The following POLDIP2 variants were observed in gnomAD, a reference collection of about 807,000 sequenced individuals.
The protein encoded by POLDIP2 is polymerase delta-interacting protein 2.
POLDIP2 carries 32 observed loss-of-function variants against 52.9 expected under a neutral mutation model. That is an observed-to-expected ratio of 0.61 (90% CI 0.46 to 0.81). POLDIP2 has a LOEUF of 0.81. Ranked by LOEUF, POLDIP2 falls within the 40% of genes least tolerant of loss-of-function variation. The probability of loss-of-function intolerance (pLI) is 0.00; values close to 1 mark genes in which losing one functional copy is unlikely to be tolerated. For missense variants in POLDIP2, 371 were observed against 477.3 expected, an observed-to-expected ratio of 0.78 and a Z score of 2.07; for synonymous variants, 183 against 183.0, an observed-to-expected ratio of 1.00 and a Z score of 0.00.
chr17:28,350,479 C>T lies in POLDIP2; in HGVS notation c.871G>A (p.Gly291Ser). 1 of 1,612,794 alleles carries T rather than the reference C, an allele frequency of 6.2e-7. No homozygotes were observed. The highest frequency in any genetic ancestry group is 8.5e-7 in the Non-Finnish European group (1 of 1,179,402). Residue 291 changes from glycine (G) to serine (S), a missense_variant, in exon 9 of 11, where the codon GGC (glycine) becomes AGC (serine). Physicochemically the swap from Gly to Ser is moderately conservative, Grantham distance 56 (BLOSUM62 0). Coordinates refer to ENST00000540200, the MANE Select transcript of POLDIP2 (RefSeq NM_015584.5). ...ERHWRIFSLS[G>S]TLETVRGRGV... is the part of the protein sequence containing the mutation. ...CGGCCTCGCACTGTCTCCAAGGTGC[C>T]AGAGAGACTGAATATCCTCCAGTGC... is the stretch of plus-strand genomic sequence containing the variant.
At chr17:28,356,934 C>T (rs1009674483) in intron 1 of POLDIP2, among the ~76,000 whole-genome samples, 2 of 152,242 alleles carry the variant, frequency 1.3e-5, no homozygotes, top group Non-Finnish European at 2.9e-5. Flanking sequence ...TGAGGCAGAC[C>T]TTCACCAAAT....
chr17:28,351,493 T>G lies in POLDIP2; in HGVS notation c.759+171A>C, dbSNP rs565932760. 7.6e-4 allele frequency among the ~76,000 whole-genome samples: 115 copies of G among 152,264 alleles called. No homozygotes were observed. The Middle Eastern group carries it at 0.014, about 18-fold the overall frequency. On this transcript the variant is annotated intron_variant, in intron 7 of 10. Coordinates refer to ENST00000540200, the MANE Select transcript of POLDIP2 (RefSeq NM_015584.5). Reference sequence around the variant, plus strand: ...TTCCTGCCCGCTCTAGGTCTTGGTGTCAGCCACTGTCTAGAGGCTACTCAA... The same window carrying G: ...TTCCTGCCCGCTCTAGGTCTTGGTGGCAGCCACTGTCTAGAGGCTACTCAA...
Position 28,353,930 on chromosome 17 carries a change from G to T in POLDIP2, c.342-139C>A, listed in dbSNP as rs558400009. The T allele has an allele frequency of 6.0e-6, 4 of 662,438 alleles. No homozygotes were observed. In the East Asian group the frequency reaches 1.1e-4, roughly 18 times the overall value. The allele number at this position is 662,438 out of a possible 1,614,324, so 41.0% of individuals were successfully genotyped here. On this transcript the variant is annotated intron_variant, in intron 3 of 10. Transcript: ENST00000540200. The stretch of plus-strand genomic sequence containing the variant: ...TTAGCACCAGCTGGACACCTGCTCT[G>T]CAGCACCTCAGCTCAGCTGCTCCTC...
intron 2 of POLDIP2, among the ~76,000 whole-genome samples, chr17:28,354,851 T>C (rs782657065): frequency 5.3e-5 from 8 of 152,250 alleles, no homozygotes; most frequent in Non-Finnish European, 7.3e-5. Context: ...GTACAGCTAT[T>C]GGCCATTTGC....
rs782311219 is a variant in POLDIP2 at position 28,352,237 on chromosome 17, C to CTTTTTT, written c.623-443_623-438dup. On this transcript the variant is annotated intron_variant, in intron 6 of 10. Transcript: ENST00000540200. ...TGGAAATAGAGCGTTGGAATTATTT[C>CTTTTTT]TTTTTTTTTTTTTTTTTTGGAGACG... Among the ~76,000 whole-genome samples, 9 of 87,682 alleles carry CTTTTTT rather than the reference C, an allele frequency of 1.0e-4. 1 individual carries two copies. The highest frequency in any genetic ancestry group is 1.0e-3 in the East Asian group (2 of 1,962). 57.5% of individuals were successfully genotyped at this position (87,682 alleles called of 152,430 possible).
chr17:28,351,192 T>A (rs1313233707), intron 7 of POLDIP2, among the ~76,000 whole-genome samples: 1 of 152,324 alleles, frequency 6.6e-6, no homozygotes, highest in African/African-American at 2.4e-5. Context: ...TACTATAAGG[T>A]CCTGGAAGAC....
intron 7 of POLDIP2, among the ~76,000 whole-genome samples, chr17:28,351,360 T>C (rs56720088): frequency 0.11 from 17,014 of 152,286 alleles, 1,128 homozygotes; most frequent in East Asian, 0.23. Context: ...AAAAGTGTTA[T>C]GCCTACACTG....
intron 9 of POLDIP2, among the ~76,000 whole-genome samples, chr17:28,350,218 C>T (rs1016973004): frequency 6.6e-6 from 1 of 152,204 alleles, no homozygotes; most frequent in Non-Finnish European, 1.5e-5. Flanking sequence ...GCTATGGGAC[C>T]ATGGGCTGGT....
chr17:28,353,188 G>A (rs1405067348), intron 5 of POLDIP2, 53 bp downstream of exon 5: 3 of 900,716 alleles, frequency 3.3e-6, no homozygotes, highest in East Asian at 2.5e-5. Flanking sequence ...TCCTCTCCCT[G>A]AGACACACCA....
Position 28,354,637 on chromosome 17 carries a change from G to A in POLDIP2, c.244-52C>T. On this transcript the variant is annotated intron_variant, in intron 2 of 10. Transcript: ENST00000540200. ...GTCTGCAGTCCAGCAAATCCATCCA[G>A]GTGGGCCCCAGACCACAAAGCAACA... 4 of 1,269,102 alleles carry A rather than the reference G, an allele frequency of 3.2e-6. 1 individual carries two copies. The South Asian group carries it at 3.8e-5, about 12-fold the overall frequency. The allele number at this position is 1,269,102 out of a possible 1,614,324, so 78.6% of individuals were successfully genotyped here.
intron 1 of POLDIP2, among the ~76,000 whole-genome samples, chr17:28,356,625 A>G (rs767053489): frequency 4.8e-4 from 73 of 152,202 alleles, no homozygotes; most frequent in Non-Finnish European, 9.3e-4. Context: ...AGTGTCTAAT[A>G]TCAGCCACTA....
intron 1 of POLDIP2, 89 bp downstream of exon 1, chr17:28,357,198 AG>A: frequency 8.3e-7 from 1 of 1,211,276 alleles, no homozygotes; most frequent in Non-Finnish European, 1.1e-6. Context: ...CACCCTCAGC[AG>A]GCCCGGGCCC....
Position 28,350,429 on chromosome 17 carries a change from G to A in POLDIP2, c.912+9C>T. 1 of 1,603,686 alleles carries A rather than the reference G, an allele frequency of 6.2e-7. No homozygotes were observed. The highest frequency in any genetic ancestry group is 8.5e-7 in the Non-Finnish European group (1 of 1,175,848). The stretch of plus-strand genomic sequence containing the variant: ...ACAGGACCAGAATTACTAGACCAAG[G>A]ATGCTCACCCTGCCCACTACCCCTC... On this transcript the variant is annotated intron_variant, in intron 9 of 10. Coordinates refer to ENST00000540200, the MANE Select transcript of POLDIP2 (RefSeq NM_015584.5).
chr17:28,352,233 A>ATTTTTTTTT (rs1555580125), intron 6 of POLDIP2, among the ~76,000 whole-genome samples: 4 of 44,308 alleles, frequency 9.0e-5, no homozygotes, highest in African/African-American at 3.5e-4. Flanking sequence ...CGTTGGAATT[A>ATTTTTTTTT]TTTCTTTTTT....
At chr17:28,352,640 G>A (rs1162497154) in intron 6 of POLDIP2, among the ~76,000 whole-genome samples, 3 of 150,578 alleles carry the variant, frequency 2.0e-5, no homozygotes, top group Admixed American at 6.7e-5. Flanking sequence ...CTGGGTTCAA[G>A]TGATTCTCCT....
rs1555580374 is a variant in POLDIP2, at chr17:28,353,329, G to A, written c.439-13C>T. On this transcript the variant is annotated splice_polypyrimidine_tract_variant and intron_variant, in intron 4 of 10. Coordinates refer to ENST00000540200, the MANE Select transcript of POLDIP2 (RefSeq NM_015584.5). ...GAGATCTCTGAGACTAAGGCAAGAA[G>A]TGAATCAGTGGTGAAACCATGTCTC... is the stretch of plus-strand genomic sequence containing the variant. 1 of 1,470,664 alleles carries A rather than the reference G, an allele frequency of 6.8e-7. No homozygotes were observed. The highest frequency in any genetic ancestry group is 9.5e-7 in the Non-Finnish European group (1 of 1,055,166). The allele number at this position is 1,470,664 out of a possible 1,614,324, so 91.1% of individuals were successfully genotyped here. A position where few individuals can be genotyped will look rare whatever the true frequency, so the allele number is the denominator to read the frequency against.
At chr17:28,351,637 T>C in intron 7 of POLDIP2, 27 bp downstream of exon 7, 1 of 1,611,646 alleles carries the variant, frequency 6.2e-7, no homozygotes, top group Non-Finnish European at 8.5e-7. Context: ...CTACCCCTGC[T>C]AGAAGGGGTC....
rs143027945 is a variant in POLDIP2 at position 28,351,614 on chromosome 17, T to C, written c.759+50A>G. On this transcript the variant is annotated intron_variant, in intron 7 of 10. Transcript: ENST00000540200. ...CCCGGCAGTCACCTTAAGGACACCA[T>C]ACACCTTGGGGCCTACCCCTGCTAG... 370 of 1,585,834 alleles carry C rather than the reference T, an allele frequency of 2.3e-4. No homozygotes were observed. The highest frequency in any genetic ancestry group is 3.1e-4 in the Non-Finnish European group (362 of 1,156,978).
Position 28,348,179 on chromosome 17 carries a change from GAA to G in POLDIP2, c.1043_1044del (p.Ile348ThrfsTer9), listed in dbSNP as rs782526252. 6.2e-7 allele frequency: 1 copy of G among 1,613,908 alleles called. No homozygotes were observed. The highest frequency in any genetic ancestry group is 1.1e-5 in the South Asian group (1 of 91,074). ...TTATTGCTTTCCAGGGAGAAGGGAGGAATCCGAACATCAAAGTGGGAGCCATC... is the reference window on the plus strand; with the variant it reads ...TTATTGCTTTCCAGGGAGAAGGGAGGTCCGAACATCAAAGTGGGAGCCATC... ...RPDGSHFDVRIPPFSLESNKD... is the reference protein window; with the variant it reads ...RPDGSHFDVRXPPFSLESNKD... On this transcript the variant is annotated frameshift_variant, in exon 11 of 11. Transcript: ENST00000540200. LOFTEE classifies it high-confidence loss of function.
Sources: allele counts gnomAD v4.1 joint callset (sites outside exome capture counted in the v4.1 genomes callset), GRCh38; gene constraint gnomAD v4.1.1; transcripts MANE v1.5; gene names NCBI Gene and HGNC (gene_info 2026-07-23, HGNC 2026-07-21).